Variants in EPHA4 observed in about 807,000 individuals in gnomAD.
EPHA4 encodes ephrin type-A receptor 4.
EPHA4 carries 19 observed loss-of-function variants against 108.3 expected under a neutral mutation model. The observed-to-expected ratio is 0.18, with a 90% CI of 0.12 to 0.26. EPHA4 has a LOEUF of 0.26. Ranked by LOEUF, EPHA4 falls within the 10% of genes least tolerant of loss-of-function variation. The pLI is 1.00. For synonymous variants in EPHA4, 449 were observed against 455.5 expected, an observed-to-expected ratio of 0.99 and a Z score of 0.18; for missense variants, 917 against 1,254.0, an observed-to-expected ratio of 0.73 and a Z score of 4.06.
intron 2 of EPHA4, among the ~76,000 whole-genome samples, chr2:221,565,494 A>T (rs1485014684): frequency 6.6e-6 from 1 of 152,140 alleles, no homozygotes; most frequent in Non-Finnish European, 1.5e-5. Flanking sequence ...AAGGAACAAG[A>T]GATAGTTTTT....
intron 4 of EPHA4, 150 bp from the exon 5 acceptor site, chr2:221,482,840 CT>C: frequency 1.5e-6 from 1 of 657,196 alleles, no homozygotes. Context: ...CATAAAAGAT[CT>C]TTTAAAAGAA....
At chr2:221,521,495 C>G (rs562519189) in intron 3 of EPHA4, among the ~76,000 whole-genome samples, 2 of 152,110 alleles carry the variant, frequency 1.3e-5, no homozygotes, top group African/African-American at 4.8e-5. Context: ...TTGAGATGTT[C>G]AGGAAGCAAT....
chr2:221,426,632 CAA>C lies in EPHA4; in HGVS notation c.2691-15_2691-14del, dbSNP rs754715021. 6.2e-7 allele frequency: 1 copy of C among 1,607,766 alleles called. No individual in the cohort carries two copies. Among genetic ancestry groups the C allele is most frequent in the Non-Finnish European group, 8.5e-7 (1 of 1,178,328 alleles). On this transcript the variant is annotated splice_polypyrimidine_tract_variant and intron_variant, in intron 15 of 17. Transcript: ENST00000281821. ...GGCAGTGTTAGGTCTAGAAAGAGAA[CAA>C]GAAAATATAAGCAGAACGGAGCTAC...
Position 221,434,136 on chromosome 2 carries a change from A to G in EPHA4, c.2496+6T>C, listed in dbSNP as rs977013222. 2.5e-6 allele frequency: 4 copies of G among 1,610,592 alleles called. No homozygotes were observed. The highest frequency in any genetic ancestry group is 3.4e-5 in the Admixed American group (2 of 59,338). Reference sequence around the variant, plus strand: ...AAAAAATATATTTCAGAACATAGAGACTTACATCTTGATTGGACATATCCC... The same window carrying G: ...AAAAAATATATTTCAGAACATAGAGGCTTACATCTTGATTGGACATATCCC... On this transcript the variant is annotated splice_donor_region_variant and intron_variant, in intron 14 of 17. Coordinates refer to ENST00000281821, the MANE Select transcript of EPHA4 (RefSeq NM_004438.5).
At chr2:221,472,431 G>T (rs1249367744) in intron 5 of EPHA4, among the ~76,000 whole-genome samples, 3 of 152,042 alleles carry the variant, frequency 2.0e-5, no homozygotes, top group African/African-American at 7.2e-5. Flanking sequence ...TGTGCTAATG[G>T]ATGGATCTTA....
chr2:221,462,150 C>T (rs921037892), intron 5 of EPHA4, among the ~76,000 whole-genome samples: 8 of 151,930 alleles, frequency 5.3e-5, no homozygotes, highest in Non-Finnish European at 7.4e-5. Context: ...AGAATTCAGA[C>T]ATGACACATA....
chr2:221,547,570 G>A (rs1220455948), intron 3 of EPHA4, among the ~76,000 whole-genome samples: 1 of 152,172 alleles, frequency 6.6e-6, no homozygotes, highest in Non-Finnish European at 1.5e-5. Context: ...TCTTTGTAAG[G>A]CCGTTCAAAA....
intron 8 of EPHA4, among the ~76,000 whole-genome samples, chr2:221,453,971 G>GT (rs1469912471): frequency 6.6e-6 from 1 of 152,136 alleles, no homozygotes; most frequent in African/African-American, 2.4e-5. Context: ...GAGGTCAGGA[G>GT]TTTGAGACCA....
Position 221,499,115 on chromosome 2 carries a change from A to C in EPHA4, c.979+1902T>G, listed in dbSNP as rs191364148. On this transcript the variant is annotated intron_variant, in intron 4 of 17. Transcript: ENST00000281821. ...TTTTTAACAGTTACATCTGAGACTG[A>C]CCCTAGGATTCTCCCTAACTCTGAA... Among the ~76,000 whole-genome samples the C allele has an allele frequency of 8.4e-3, 1,270 of 151,220 alleles. 14 individuals are homozygous for C. Among genetic ancestry groups the C allele is most frequent in the Non-Finnish European group, 0.014 (960 of 67,812 alleles).
intron 4 of EPHA4, among the ~76,000 whole-genome samples, chr2:221,489,704 T>C (rs1258536345): frequency 6.6e-6 from 1 of 152,224 alleles, no homozygotes; most frequent in Non-Finnish European, 1.5e-5. Flanking sequence ...AGGAATCTTC[T>C]CTTTTTCAGG....
At position 221,571,943 on chromosome 2, in the gene EPHA4, C is replaced by T. The variant is rs1220501625; in HGVS notation, c.91+215G>A. ...CTTTGGTTACAAACTTGGACAGACC[C>T]GCCGCGTGCACGGGTCACCGCCTCG... On this transcript the variant is annotated intron_variant, in intron 1 of 17. Transcript: ENST00000281821. This position sits in a 1 kb window ranked among gnomAD's most constrained non-coding sequence, Gnocchi z 6.3. Among the ~76,000 whole-genome samples the T allele has an allele frequency of 6.6e-6, 1 of 152,174 alleles. No individual in the cohort carries two copies. Among genetic ancestry groups the T allele is most frequent in the Non-Finnish European group, 1.5e-5 (1 of 68,036 alleles).
chr2:221,483,921 A>G (rs916284300), intron 4 of EPHA4, among the ~76,000 whole-genome samples: 2 of 152,174 alleles, frequency 1.3e-5, no homozygotes, highest in African/African-American at 4.8e-5. Flanking sequence ...CTTAAAAGGT[A>G]GCTGCCACAC....
intron 4 of EPHA4, among the ~76,000 whole-genome samples, chr2:221,497,865 C>T (rs557318255): frequency 6.6e-6 from 1 of 152,306 alleles, no homozygotes; most frequent in South Asian, 2.1e-4. Context: ...AGCCACCAGC[C>T]TTCCTTCCCT....
chr2:221,547,312 C>T, intron 3 of EPHA4, among the ~76,000 whole-genome samples: 1 of 152,168 alleles, frequency 6.6e-6, no homozygotes, highest in Non-Finnish European at 1.5e-5. Flanking sequence ...CCTTCTAAAT[C>T]TCTCTAGATT....
chr2:221,462,154 A>G (rs1408012731), intron 5 of EPHA4, among the ~76,000 whole-genome samples: 1 of 152,094 alleles, frequency 6.6e-6, no homozygotes, highest in East Asian at 1.9e-4. Flanking sequence ...TTCAGACATG[A>G]CACATAGCAA....
At chr2:221,436,127 C>G (rs1251835333) in intron 13 of EPHA4, among the ~76,000 whole-genome samples, 1 of 151,994 alleles carries the variant, frequency 6.6e-6, no homozygotes, top group Non-Finnish European at 1.5e-5. Context: ...GCACTTTCTT[C>G]CCCCTGCCCT....
At chr2:221,518,813 A>G (rs1693068005) in intron 3 of EPHA4, among the ~76,000 whole-genome samples, 1 of 152,222 alleles carries the variant, frequency 6.6e-6, no homozygotes, top group African/African-American at 2.4e-5. Context: ...GTAAGCAAGC[A>G]GGTCTGCTGA....
intron 7 of EPHA4, among the ~76,000 whole-genome samples, chr2:221,456,090 C>A (rs1690944152): frequency 6.6e-6 from 1 of 151,824 alleles, no homozygotes; most frequent in Non-Finnish European, 1.5e-5. Flanking sequence ...GGGTAGACCC[C>A]TCTTAAGCAC....
In EPHA4 at chr2:221,455,617, G is replaced by A; in HGVS notation, c.1645C>T (p.Leu549Phe). Reference protein sequence around the residue: ...IIGDGANSTVLLVSVSGSVVL... With the variant: ...IIGDGANSTVFLVSVSGSVVL... ...ACACTGCCCGAGACAGAGACCAGAA[G>A]GACTGTGGAGTTAGCCCCATCTCCA... is the stretch of plus-strand genomic sequence containing the variant. The change falls in exon 8 of 18, where the codon CTT (leucine) becomes TTT (phenylalanine). Residue 549 changes from leucine to phenylalanine, a missense_variant. By Grantham distance (22) the Leu-to-Phe change is conservative. Transcript: ENST00000281821. The A allele has an allele frequency of 6.2e-7, 1 of 1,613,894 alleles. No homozygotes were observed. Among genetic ancestry groups the A allele is most frequent in the African/African-American group, 1.3e-5 (1 of 75,032 alleles).
Sources: allele counts gnomAD v4.1 joint callset (sites outside exome capture counted in the v4.1 genomes callset), GRCh38; gene constraint gnomAD v4.1.1; non-coding constraint Gnocchi (gnomAD v3.1); transcripts MANE v1.5; gene names NCBI Gene and HGNC (gene_info 2026-07-23, HGNC 2026-07-21).